The following OR14A2 variants were observed in gnomAD, a reference collection of about 807,000 sequenced individuals.
OR14A2 encodes olfactory receptor family 14 subfamily A member 2, also known as olfactory receptor 14A2.
For synonymous variants in OR14A2, 114 were observed against 58.6 expected, an observed-to-expected ratio of 1.95 and a Z score of -4.32; for missense variants, 237 against 152.9, an observed-to-expected ratio of 1.55 and a Z score of -2.90.
At chr1:247,734,831 G>A in the OR14A2 span, among the ~76,000 whole-genome samples, 26 of 152,202 alleles carry the variant, frequency 1.7e-4, no homozygotes, top group African/African-American at 5.8e-4. Context: ...GTTGCTGGAT[G>A]ACAGAAACAA....
chr1:247,739,664 G>A, the OR14A2 span: 1 of 613,728 alleles, frequency 1.6e-6, no homozygotes, highest in Non-Finnish European at 2.9e-6. Context: ...ATGGAGTCTT[G>A]CTACTGATAA....
upstream of OR14A2, among the ~76,000 whole-genome samples, chr1:247,725,350 T>C (rs79830689): frequency 0.035 from 5,284 of 152,116 alleles, 318 homozygotes; most frequent in African/African-American, 0.12. Context: ...GGTAGAGTGA[T>C]TAAATAATTC....
At chr1:247,729,003 G>A (rs1047353372), upstream of OR14A2, among the ~76,000 whole-genome samples, 2 of 152,054 alleles carry the variant, frequency 1.3e-5, no homozygotes, top group African/African-American at 4.8e-5. Flanking sequence ...AGCTGTGGTA[G>A]TTTCTTCACA....
chr1:247,734,341 T>G, the OR14A2 span, among the ~76,000 whole-genome samples: 1 of 152,176 alleles, frequency 6.6e-6, no homozygotes, highest in Non-Finnish European at 1.5e-5. Context: ...TGATCTCAGA[T>G]GTGCAGCCTC....
At chr1:247,734,771 G>A in the OR14A2 span, among the ~76,000 whole-genome samples, 1 of 152,136 alleles carries the variant, frequency 6.6e-6, no homozygotes, top group Non-Finnish European at 1.5e-5. Flanking sequence ...TGAAGAAGAA[G>A]GTCTAATCTA....
chr1:247,723,534 A>G, exon 1 of OR14A2: 1 of 718,134 alleles, frequency 1.4e-6, no homozygotes, highest in Middle Eastern at 2.3e-4. Flanking sequence ...GTGGAATCAC[A>G]CTGGAGCCAC....
the OR14A2 span, chr1:247,738,504 C>G: frequency 6.4e-6 from 4 of 623,788 alleles, no homozygotes; most frequent in Non-Finnish European, 1.1e-5. Flanking sequence ...TTGTCTAGGC[C>G]TTGATGCTAC....
At chr1:247,732,716 G>A in the OR14A2 span, among the ~76,000 whole-genome samples, 1 of 152,128 alleles carries the variant, frequency 6.6e-6, no homozygotes, top group Non-Finnish European at 1.5e-5. Flanking sequence ...TTCAGTAGGT[G>A]AGTGGATAAA....
At chr1:247,733,641 A>G in the OR14A2 span, among the ~76,000 whole-genome samples, 2 of 152,138 alleles carry the variant, frequency 1.3e-5, no homozygotes, top group African/African-American at 2.4e-5. Context: ...CTCTTTTTGA[A>G]TAAGTTATCT....
the OR14A2 span, among the ~76,000 whole-genome samples, chr1:247,743,162 C>A: frequency 6.6e-6 from 1 of 152,150 alleles, no homozygotes; most frequent in Non-Finnish European, 1.5e-5. Flanking sequence ...TAATGTTCCA[C>A]TTCCTGCCCA....
chr1:247,723,236 T>G, exon 1 of OR14A2: 1 of 715,836 alleles, frequency 1.4e-6, no homozygotes, highest in Non-Finnish European at 2.6e-6. Context: ...GAAAGCAGCC[T>G]GTCAATAACA....
chr1:247,745,506 A>G, the OR14A2 span, among the ~76,000 whole-genome samples: 1 of 152,122 alleles, frequency 6.6e-6, no homozygotes, highest in African/African-American at 2.4e-5. Flanking sequence ...GCCTTAAAGG[A>G]AAAGATCAGT....
At chr1:247,733,711 C>G in the OR14A2 span, among the ~76,000 whole-genome samples, 1 of 152,092 alleles carries the variant, frequency 6.6e-6, no homozygotes, top group African/African-American at 2.4e-5. Flanking sequence ...AAAGACAAAA[C>G]CCTGCAACTA....
chr1:247,723,280 A>C (rs1270259229), exon 1 of OR14A2: 6 of 717,480 alleles, frequency 8.4e-6, no homozygotes, highest in African/African-American at 1.7e-5. Flanking sequence ...AAGATAAACA[A>C]AATAAGCAGT....
chr1:247,744,836 A>G, the OR14A2 span, among the ~76,000 whole-genome samples: 7 of 152,344 alleles, frequency 4.6e-5, no homozygotes, highest in East Asian at 1.4e-3. This position sits in a 1 kb window ranked among gnomAD's most constrained non-coding sequence, Gnocchi z 4.3. Flanking sequence ...TCAGAAAACA[A>G]AGGAGAACCT....
chr1:247,745,270 T>C, the OR14A2 span, among the ~76,000 whole-genome samples: 1 of 152,028 alleles, frequency 6.6e-6, no homozygotes, highest in Non-Finnish European at 1.5e-5. Context: ...GATTAATAAA[T>C]TATTACCTAA....
At chr1:247,726,434 C>T (rs1262492642), upstream of OR14A2, among the ~76,000 whole-genome samples, 2 of 137,202 alleles carry the variant, frequency 1.5e-5, no homozygotes, top group East Asian at 2.1e-4. Flanking sequence ...GGATATTAGC[C>T]CTTTGTCAGA....
At chr1:247,747,573 A>G in the OR14A2 span, among the ~76,000 whole-genome samples, 2 of 151,932 alleles carry the variant, frequency 1.3e-5, no homozygotes, top group African/African-American at 2.4e-5. Context: ...CGTGTTAGCC[A>G]GGATGGTCTC....
At chr1:247,745,943 G>A in the OR14A2 span, among the ~76,000 whole-genome samples, 2 of 152,162 alleles carry the variant, frequency 1.3e-5, no homozygotes, top group South Asian at 4.1e-4. Flanking sequence ...CCAAGGGCAG[G>A]ATGGTCGTTA....
Sources: allele counts gnomAD v4.1 joint callset (sites outside exome capture counted in the v4.1 genomes callset), GRCh38; gene constraint gnomAD v4.1.1; non-coding constraint Gnocchi (gnomAD v3.1); transcripts MANE v1.5; gene names NCBI Gene and HGNC (gene_info 2026-07-23, HGNC 2026-07-21).